The following WWOX variants were observed in gnomAD, a reference collection of about 807,000 sequenced individuals.
The protein encoded by WWOX is WW domain-containing oxidoreductase.
In WWOX, 69 loss-of-function variants were observed where a neutral mutation model predicts 46.2. The ratio of observed to expected loss-of-function variants is 1.49; its 90% confidence interval spans 1.23 to 1.82. The LOEUF is 1.82. Among genes scored for constraint, WWOX ranks in the 40% most tolerant of loss-of-function variants. WWOX has a pLI of 0.00. For missense variants in WWOX, 919 were observed against 542.6 expected, an observed-to-expected ratio of 1.69 and a Z score of -6.89; for synonymous variants, 359 against 202.6, an observed-to-expected ratio of 1.77 and a Z score of -6.56.
intron 8 of WWOX, among the ~76,000 whole-genome samples, chr16:78,948,792 G>A (rs1338208128): frequency 6.6e-6 from 1 of 152,120 alleles, no homozygotes; most frequent in African/African-American, 2.4e-5. Context: ...CCTTGCAGAT[G>A]TAATTAAGGT....
chr16:78,989,590 G>A (rs1288658539), intron 8 of WWOX, among the ~76,000 whole-genome samples: 2 of 152,206 alleles, frequency 1.3e-5, no homozygotes, highest in African/African-American at 4.8e-5. Flanking sequence ...AAAGACTTGT[G>A]TTTGGGGATA....
chr16:78,754,078 G>T (rs1308299341), intron 8 of WWOX, among the ~76,000 whole-genome samples: 1 of 151,598 alleles, frequency 6.6e-6, no homozygotes, highest in Non-Finnish European at 1.5e-5. Context: ...ATCCCATTGG[G>T]CATTGCTAAG....
intron 5 of WWOX, among the ~76,000 whole-genome samples, chr16:78,304,586 A>T (rs1185075152): frequency 2.0e-5 from 3 of 152,230 alleles, no homozygotes; most frequent in Non-Finnish European, 4.4e-5. Flanking sequence ...ACTTTTTCAT[A>T]TTAATATATA....
At chr16:78,408,333 G>C (rs2151948109) in intron 6 of WWOX, among the ~76,000 whole-genome samples, 1 of 152,196 alleles carries the variant, frequency 6.6e-6, no homozygotes, top group East Asian at 1.9e-4. Flanking sequence ...AAAGTAATTA[G>C]CATGTACCCT....
intron 8 of WWOX, among the ~76,000 whole-genome samples, chr16:78,443,403 G>T (rs1597093034): frequency 2.0e-5 from 3 of 152,246 alleles, no homozygotes; most frequent in African/African-American, 7.2e-5. Flanking sequence ...CTTCCACAGT[G>T]CAGATTTTAA....
chr16:78,619,209 A>G (rs1297254947), intron 8 of WWOX, among the ~76,000 whole-genome samples: 3 of 64,726 alleles, frequency 4.6e-5, no homozygotes, highest in African/African-American at 6.0e-5. Context: ...ATATATATAT[A>G]TATATGTAGC....
At chr16:78,956,024 G>C (rs993017802) in intron 8 of WWOX, among the ~76,000 whole-genome samples, 2 of 150,974 alleles carry the variant, frequency 1.3e-5, no homozygotes, top group African/African-American at 2.4e-5. Context: ...TTTTTTTTTA[G>C]AACTGTTTTA....
intron 8 of WWOX, among the ~76,000 whole-genome samples, chr16:78,913,035 T>C (rs2045152904): frequency 6.6e-6 from 1 of 151,874 alleles, no homozygotes; most frequent in African/African-American, 2.4e-5. Flanking sequence ...GCACAACAGG[T>C]CTGAGTGTTT....
chr16:78,572,834 AG>A (rs1474699051), intron 8 of WWOX, among the ~76,000 whole-genome samples: 2 of 152,068 alleles, frequency 1.3e-5, no homozygotes, highest in Non-Finnish European at 1.5e-5. Context: ...AGAGATACAC[AG>A]GGGAGGTATT....
At chr16:78,720,461 A>T (rs1168444400) in intron 8 of WWOX, among the ~76,000 whole-genome samples, 3 of 121,142 alleles carry the variant, frequency 2.5e-5, no homozygotes, top group Non-Finnish European at 5.1e-5. Context: ...TTGCAATGTT[A>T]TTTTTTTTTC....
At chr16:79,018,673 A>G (rs940684128) in intron 8 of WWOX, among the ~76,000 whole-genome samples, 5 of 152,130 alleles carry the variant, frequency 3.3e-5, no homozygotes, top group Non-Finnish European at 7.4e-5. Flanking sequence ...ACCCCAATCA[A>G]TGTGGGCCGC....
chr16:78,933,853 C>T (rs897932464), intron 8 of WWOX, among the ~76,000 whole-genome samples: 1 of 152,078 alleles, frequency 6.6e-6, no homozygotes, highest in Non-Finnish European at 1.5e-5. Flanking sequence ...TTACAAGTTG[C>T]AATTCAACAT....
At chr16:78,600,681 G>T (rs1226215733) in intron 8 of WWOX, among the ~76,000 whole-genome samples, 1 of 152,254 alleles carries the variant, frequency 6.6e-6, no homozygotes, top group Admixed American at 6.5e-5. Context: ...GGTAGCTGAT[G>T]AAACTGCCCT....
intron 8 of WWOX, among the ~76,000 whole-genome samples, chr16:78,777,578 A>G (rs1286628433): frequency 6.6e-6 from 1 of 152,160 alleles, no homozygotes. Context: ...GCGTGGTATA[A>G]TAAGCATTAA....
chr16:78,960,450 C>G (rs2046251299), intron 8 of WWOX, among the ~76,000 whole-genome samples: 1 of 152,204 alleles, frequency 6.6e-6, no homozygotes, highest in Non-Finnish European at 1.5e-5. Context: ...AGGAGACTGT[C>G]ACTTCATGAA....
chr16:78,599,052 G>A (rs1371606118), intron 8 of WWOX, among the ~76,000 whole-genome samples: 1 of 152,116 alleles, frequency 6.6e-6, no homozygotes, highest in African/African-American at 2.4e-5. Flanking sequence ...TGGACTTTGG[G>A]GCTCACAGTT....
At chr16:78,218,486 G>A (rs1217714935) in intron 5 of WWOX, among the ~76,000 whole-genome samples, 1 of 152,086 alleles carries the variant, frequency 6.6e-6, no homozygotes, top group African/African-American at 2.4e-5. Context: ...GAGGCTGTTG[G>A]TTGACAGGAG....
chr16:78,349,073 C>G (rs968318597), intron 5 of WWOX, among the ~76,000 whole-genome samples: 1 of 120,256 alleles, frequency 8.3e-6, no homozygotes, highest in Non-Finnish European at 2.0e-5. Flanking sequence ...GTTGTGGAGC[C>G]TAGAATTCCA....
intron 8 of WWOX, among the ~76,000 whole-genome samples, chr16:79,083,856 G>A (rs1195114822): frequency 2.6e-5 from 4 of 152,214 alleles, no homozygotes; most frequent in Non-Finnish European, 4.4e-5. Context: ...TGGTTGAAAT[G>A]TTCATCCTCC....
Sources: allele counts gnomAD v4.1 joint callset (sites outside exome capture counted in the v4.1 genomes callset), GRCh38; gene constraint gnomAD v4.1.1; transcripts MANE v1.5; gene names NCBI Gene and HGNC (gene_info 2026-07-23, HGNC 2026-07-21).